GALE: variants seen among roughly 807,000 people sequenced by gnomAD.
GALE encodes the protein UDP-galactose-4-epimerase.
In GALE, 32 loss-of-function variants were observed where a neutral mutation model predicts 44.1. That is an observed-to-expected ratio of 0.73 (90% CI 0.55 to 0.97). GALE has a LOEUF of 0.97. Among genes scored for constraint, GALE ranks in the 50% least tolerant of loss-of-function variants. GALE has a pLI of 0.00. For synonymous variants in GALE, 182 were observed against 183.5 expected, an observed-to-expected ratio of 0.99 and a Z score of 0.06; for missense variants, 423 against 455.6, an observed-to-expected ratio of 0.93 and a Z score of 0.65.
Position 23,796,338 on chromosome 1 carries a change from C to G in GALE, c.874-73G>C. ...AGCTGCTGGCCAGGTCTTTAAGAAGCAGAAGTGCAGAGCAGCGGCTGGCCC... is the reference window on the plus strand; with the variant it reads ...AGCTGCTGGCCAGGTCTTTAAGAAGGAGAAGTGCAGAGCAGCGGCTGGCCC... On this transcript the variant is annotated intron_variant, in intron 10 of 11. Transcript: ENST00000617979. This position sits in a 1 kb window ranked among gnomAD's most constrained non-coding sequence, Gnocchi z 5.2. 1 of 1,500,990 alleles carries G rather than the reference C, an allele frequency of 6.7e-7. No homozygotes were observed. The highest frequency in any genetic ancestry group is 9.3e-7 in the Non-Finnish European group (1 of 1,077,538). 93.0% of individuals were successfully genotyped at this position (1,500,990 alleles called of 1,614,324 possible).
chr1:23,798,010 A>G lies in GALE; in HGVS notation c.351+107T>C, dbSNP rs917814656. 2.3e-6 allele frequency: 3 copies of G among 1,314,560 alleles called. No individual in the cohort carries two copies. Among genetic ancestry groups the G allele is most frequent in the African/African-American group, 2.9e-5 (2 of 68,908 alleles). 81.4% of individuals were successfully genotyped at this position (1,314,560 alleles called of 1,614,324 possible). A position where few individuals can be genotyped will look rare whatever the true frequency, so the allele number is the denominator to read the frequency against. On this transcript the variant is annotated intron_variant, in intron 5 of 11. Transcript: ENST00000617979. This position sits in a 1 kb window ranked among gnomAD's most constrained non-coding sequence, Gnocchi z 4.5. ...GAAACTGAGACTGGGAGGTAAAGAC[A>G]TGAGTCCAGGATGATACAGCTTGGG...
intron 1 of GALE, 148 bp downstream of exon 1, chr1:23,800,564 G>C (rs1423652871): frequency 6.6e-6 from 1 of 152,454 alleles, no homozygotes; most frequent in Non-Finnish European, 1.5e-5. Flanking sequence ...GCCCCAGCCC[G>C]GGCAGCGGGG....
chr1:23,796,422 G>A lies in GALE; in HGVS notation c.873+87C>T. On this transcript the variant is annotated intron_variant, in intron 10 of 11. Coordinates refer to ENST00000617979, the MANE Select transcript of GALE (RefSeq NM_001008216.2). This position sits in a 1 kb window ranked among gnomAD's most constrained non-coding sequence, Gnocchi z 5.2. Reference sequence around the variant, plus strand: ...TGGGCAGTGCCAGGTACCCTCCAGAGAGGTGAGTGGGAAGGGCCAAAGCTG... The same window carrying A: ...TGGGCAGTGCCAGGTACCCTCCAGAAAGGTGAGTGGGAAGGGCCAAAGCTG... 1 of 1,497,064 alleles carries A rather than the reference G, an allele frequency of 6.7e-7. No individual in the cohort carries two copies. The highest frequency in any genetic ancestry group is 9.3e-7 in the Non-Finnish European group (1 of 1,078,614). 92.7% of individuals were successfully genotyped at this position (1,497,064 alleles called of 1,614,324 possible). A position where few individuals can be genotyped will look rare whatever the true frequency, so the allele number is the denominator to read the frequency against.
chr1:23,795,919 C>G lies in GALE; in HGVS notation c.*30G>C. On this transcript the variant is annotated 3_prime_UTR_variant, in exon 12 of 12. Transcript: ENST00000617979. Reference sequence around the variant, plus strand: ...GAGGCTGGAGAGCAGGCAGCTGCTGCTTTTCCTGGTCCTTGGTAGGGGAGG... The same window carrying G: ...GAGGCTGGAGAGCAGGCAGCTGCTGGTTTTCCTGGTCCTTGGTAGGGGAGG... 3 of 1,608,742 alleles carry G rather than the reference C, an allele frequency of 1.9e-6. No individual in the cohort carries two copies. Among genetic ancestry groups the G allele is most frequent in the Non-Finnish European group, 2.6e-6 (3 of 1,176,256 alleles).
chr1:23,798,257 G>T lies in GALE; in HGVS notation c.238-27C>A. 6.4e-7 allele frequency: 1 copy of T among 1,557,324 alleles called. No homozygotes were observed. Among genetic ancestry groups the T allele is most frequent in the Non-Finnish European group, 8.9e-7 (1 of 1,128,668 alleles). ...TGCAGGGGTGACATGGCCAGAGGTT[G>T]CTCTACTGGTTTTAGTCCTTGGCAA... is the stretch of plus-strand genomic sequence containing the variant. On this transcript the variant is annotated intron_variant, in intron 4 of 11. Coordinates refer to ENST00000617979, the MANE Select transcript of GALE (RefSeq NM_001008216.2). The surrounding 1 kb of genome is among the most constrained non-coding windows in gnomAD (Gnocchi z 4.5).
In GALE at chr1:23,798,142, A is replaced by G; in HGVS notation, c.326T>C (p.Leu109Pro). Residue 109 changes from leucine to proline, a missense_variant, in exon 5 of 12, where the codon CTG becomes CCG. By Grantham distance (98) the Leu-to-Pro change is moderately conservative (BLOSUM62 -3). Transcript: ENST00000617979. This position sits in a 1 kb window ranked among gnomAD's most constrained non-coding sequence, Gnocchi z 4.5. The part of the protein sequence containing the change: ...QKPLDYYRVN[L>P]TGTIQLLEIM... ...CTCCAGAAGCTGGATGGTCCCGGTC[A>G]GGTTAACTCTGTAATAATCCAGAGG... The G allele has an allele frequency of 1.2e-6, 2 of 1,614,066 alleles. No homozygotes were observed. The highest frequency in any genetic ancestry group is 1.7e-6 in the Non-Finnish European group (2 of 1,179,912).
In GALE at chr1:23,798,483, T is replaced by G. The variant is rs954655214; in HGVS notation, c.237+132A>C. On this transcript the variant is annotated intron_variant, in intron 4 of 11. Coordinates refer to ENST00000617979, the MANE Select transcript of GALE (RefSeq NM_001008216.2). The surrounding 1 kb of genome is among the most constrained non-coding windows in gnomAD (Gnocchi z 4.5). ...CCATGCCCAGCTAATTTTTGTATTT[T>G]TCTGTAGAGATGGGGTTTCACTGTG... The G allele has an allele frequency of 1.6e-5, 12 of 746,506 alleles. No homozygotes were observed. Among genetic ancestry groups the G allele is most frequent in the Non-Finnish European group, 2.8e-5 (12 of 430,642 alleles). The allele number at this position is 746,506 out of a possible 1,614,324, so 46.2% of individuals were successfully genotyped here.
intron 1 of GALE, chr1:23,800,091 T>C (rs527470307): frequency 1.4e-4 from 21 of 152,374 alleles, no homozygotes; most frequent in Middle Eastern, 3.4e-3. Flanking sequence ...GAGACAGGTG[T>C]TATCACTGGC....
rs527565467 is a variant in GALE, at chr1:23,799,103, G to A, written c.-5-91C>T. On this transcript the variant is annotated intron_variant, in intron 2 of 11. Coordinates refer to ENST00000617979, the MANE Select transcript of GALE (RefSeq NM_001008216.2). ...AATCCTGCCCCCTAAGCTCGCTTTG[G>A]AAGGAGGCGGCAGTGTGCCCTAGGT... The A allele has an allele frequency of 5.7e-5, 89 of 1,564,602 alleles. 2 individuals carry two copies. In the South Asian group the frequency reaches 5.7e-4, roughly 10 times the overall value.
At position 23,796,967 on chromosome 1, in the gene GALE, C is replaced by T. The variant is rs560683244; in HGVS notation, c.643-25G>A. 3.7e-5 allele frequency: 59 copies of T among 1,610,688 alleles called. No homozygotes were observed. In the South Asian group the frequency reaches 4.8e-4, roughly 13 times the overall value. ...CCTGGAGGTGGAGATCAGGTCAGTT[C>T]GTCCCAGATCCCAGGCACCAGCTTT... On this transcript the variant is annotated intron_variant, in intron 7 of 11. Coordinates refer to ENST00000617979, the MANE Select transcript of GALE (RefSeq NM_001008216.2). The surrounding 1 kb of genome is among the most constrained non-coding windows in gnomAD (Gnocchi z 5.2).
chr1:23,795,912 G>C lies in GALE; in HGVS notation c.*37C>G. 6.3e-7 allele frequency: 1 copy of C among 1,598,642 alleles called. No individual in the cohort carries two copies. The highest frequency in any genetic ancestry group is 8.6e-7 in the Non-Finnish European group (1 of 1,167,484). On this transcript the variant is annotated 3_prime_UTR_variant, in exon 12 of 12. Coordinates refer to ENST00000617979, the MANE Select transcript of GALE (RefSeq NM_001008216.2). ...CCTGCCAGAGGCTGGAGAGCAGGCAGCTGCTGCTTTTCCTGGTCCTTGGTA... is the reference window on the plus strand; with the variant it reads ...CCTGCCAGAGGCTGGAGAGCAGGCACCTGCTGCTTTTCCTGGTCCTTGGTA...
intron 2 of GALE, 77 bp from the exon 3 acceptor site, chr1:23,799,089 C>T: frequency 1.3e-6 from 2 of 1,599,612 alleles, no homozygotes; most frequent in Non-Finnish European, 1.7e-6. Flanking sequence ...ATCCTGCCCC[C>T]TAAGCTCGCT....
chr1:23,796,394 G>T lies in GALE; in HGVS notation c.873+115C>A. On this transcript the variant is annotated intron_variant, in intron 10 of 11. Coordinates refer to ENST00000617979, the MANE Select transcript of GALE (RefSeq NM_001008216.2). The surrounding 1 kb of genome is among the most constrained non-coding windows in gnomAD (Gnocchi z 5.2). ...CACCGGGTGCTAGGCAGGCTGAGGA[G>T]ACTGGGCAGTGCCAGGTACCCTCCA... is the stretch of plus-strand genomic sequence containing the variant. 7.0e-7 allele frequency: 1 copy of T among 1,425,662 alleles called. No homozygotes were observed. The highest frequency in any genetic ancestry group is 9.9e-7 in the Non-Finnish European group (1 of 1,014,224). 88.3% of individuals were successfully genotyped at this position (1,425,662 alleles called of 1,614,324 possible). A position where few individuals can be genotyped will look rare whatever the true frequency, so the allele number is the denominator to read the frequency against.
Position 23,795,867 on chromosome 1 carries a change from C to T in GALE, c.*82G>A. 5 of 1,406,742 alleles carry T rather than the reference C, an allele frequency of 3.6e-6. No individual in the cohort carries two copies. The highest frequency in any genetic ancestry group is 5.0e-6 in the Non-Finnish European group (5 of 1,001,138). 87.1% of individuals were successfully genotyped at this position (1,406,742 alleles called of 1,614,324 possible). On this transcript the variant is annotated 3_prime_UTR_variant, in exon 12 of 12. Transcript: ENST00000617979. ...AGGGGAGGCCTTGGCTTGGCCCCAG[C>T]AGCTCCAGGGCCCTGAGTTCCTGCC... is the stretch of plus-strand genomic sequence containing the variant.
At position 23,796,777 on chromosome 1, in the gene GALE, G is replaced by A. The variant is rs137853860; in HGVS notation, c.715C>T (p.Arg239Trp). Residue 239 changes from arginine (R) to tryptophan (W), a missense_variant, in exon 9 of 12, where the codon CGG (arginine) becomes TGG (tryptophan). Arg to Trp is a moderately radical substitution (Grantham distance 101). Transcript: ENST00000617979. This position sits in a 1 kb window ranked among gnomAD's most constrained non-coding sequence, Gnocchi z 5.2. ...AGATCCACGACATGGATGTAATCCC[G>A]GACACCTGCAGAGAAGGGAGTGTGT... ...DYDTEDGTGV[R>W]DYIHVVDLAK... 8.7e-6 allele frequency: 14 copies of A among 1,610,332 alleles called. No individual in the cohort carries two copies. The East Asian group carries it at 8.9e-5, about 10-fold the overall frequency.
In GALE at chr1:23,796,840, G is replaced by A; in HGVS notation, c.709+36C>T. ...CTGTTCCCCCTGACTCTCCTTCCTG[G>A]CTCCCACTCCTAGGTCCCCCTGGTC... is the stretch of plus-strand genomic sequence containing the variant. On this transcript the variant is annotated intron_variant, in intron 8 of 11. Coordinates refer to ENST00000617979, the MANE Select transcript of GALE (RefSeq NM_001008216.2). This position sits in a 1 kb window ranked among gnomAD's most constrained non-coding sequence, Gnocchi z 5.2. 1 of 1,609,718 alleles carries A rather than the reference G, an allele frequency of 6.2e-7. No individual in the cohort carries two copies. Among genetic ancestry groups the A allele is most frequent in the Non-Finnish European group, 8.5e-7 (1 of 1,177,910 alleles).
chr1:23,798,009 C>T lies in GALE; in HGVS notation c.351+108G>A, dbSNP rs571769357. 1 of 1,319,684 alleles carries T rather than the reference C, an allele frequency of 7.6e-7. No individual in the cohort carries two copies. Among genetic ancestry groups the T allele is most frequent in the Non-Finnish European group, 1.1e-6 (1 of 912,664 alleles). The allele number at this position is 1,319,684 out of a possible 1,614,324, so 81.7% of individuals were successfully genotyped here. A position where few individuals can be genotyped will look rare whatever the true frequency, so the allele number is the denominator to read the frequency against. The stretch of plus-strand genomic sequence containing the variant: ...GGAAACTGAGACTGGGAGGTAAAGA[C>T]ATGAGTCCAGGATGATACAGCTTGG... On this transcript the variant is annotated intron_variant, in intron 5 of 11. Transcript: ENST00000617979. The surrounding 1 kb of genome is among the most constrained non-coding windows in gnomAD (Gnocchi z 4.5).
chr1:23,800,458 T>C (rs1038473708), intron 1 of GALE: 1 of 152,546 alleles, frequency 6.6e-6, no homozygotes, highest in African/African-American at 2.4e-5. Flanking sequence ...GCCGTGGGCA[T>C]ACGAGGGCGG....
Position 23,798,828 on chromosome 1 carries a change from A to C in GALE, c.121+59T>G. Reference sequence around the variant, plus strand: ...TTCCCCGCCCGGTGGTGGAGGTGGAACCCAGGGTTTTGCTTCTGCCATCCC... The same window carrying C: ...TTCCCCGCCCGGTGGTGGAGGTGGACCCCAGGGTTTTGCTTCTGCCATCCC... On this transcript the variant is annotated intron_variant, in intron 3 of 11. Coordinates refer to ENST00000617979, the MANE Select transcript of GALE (RefSeq NM_001008216.2). The surrounding 1 kb of genome is among the most constrained non-coding windows in gnomAD (Gnocchi z 4.5). The C allele has an allele frequency of 6.2e-7, 1 of 1,613,490 alleles. No homozygotes were observed. The highest frequency in any genetic ancestry group is 8.5e-7 in the Non-Finnish European group (1 of 1,179,448).
Sources: allele counts gnomAD v4.1 joint callset, GRCh38; gene constraint gnomAD v4.1.1; non-coding constraint Gnocchi (gnomAD v3.1); transcripts MANE v1.5; gene names NCBI Gene and HGNC (gene_info 2026-07-23, HGNC 2026-07-21).